MTERF4: variants seen among roughly 807,000 people sequenced by gnomAD.
MTERF4 encodes the protein transcription termination factor 4, mitochondrial.
In MTERF4, 17 loss-of-function variants were observed where a neutral mutation model predicts 22.5. The observed-to-expected ratio is 0.75, with a 90% CI of 0.52 to 1.13. The LOEUF (loss-of-function observed/expected upper bound fraction) is 1.13, where lower values mean the gene tolerates loss of function less well. Among genes scored for constraint, MTERF4 ranks in the 50% most tolerant of loss-of-function variants. The pLI is 0.00. For synonymous variants in MTERF4, 165 were observed against 175.3 expected (o/e 0.94, Z 0.47); for missense variants, 420 against 466.8 (o/e 0.90, Z 0.92).
rs2062852827 is a variant in MTERF4, at chr2:241,073,539, C to G, written n.2623G>C. On this transcript the variant is annotated non_coding_transcript_exon_variant, in exon 5 of 5. Coordinates refer to the MTERF4 transcript ENST00000464344. This position sits in a 1 kb window ranked among gnomAD's most constrained non-coding sequence, Gnocchi z 6.6. ...GGGAAGATGGGGTGAAGCTACACCACCCAAGCAGTGGGACCCCACAGACGG... is the reference window on the plus strand; with the variant it reads ...GGGAAGATGGGGTGAAGCTACACCAGCCAAGCAGTGGGACCCCACAGACGG... The G allele has an allele frequency of 1.5e-6, 1 of 652,372 alleles. No homozygotes were observed. The highest frequency in any genetic ancestry group is 2.7e-5 in the East Asian group (1 of 36,564). 40.4% of individuals were successfully genotyped at this position (652,372 alleles called of 1,614,324 possible).
chr2:241,049,423 T>A, the MTERF4 span, among the ~76,000 whole-genome samples: 1 of 152,248 alleles, frequency 6.6e-6, no homozygotes, highest in African/African-American at 2.4e-5. Flanking sequence ...ATTTAATGCA[T>A]ACATAATTAG....
At chr2:241,074,605 A>T (rs2062933313) in exon 5 of MTERF4, 1 of 152,178 alleles carries the variant, frequency 6.6e-6, no homozygotes, top group Non-Finnish European at 1.5e-5. Flanking sequence ...CCCTGAGGTC[A>T]CCACGGTCAT....
Position 241,102,283 on chromosome 2 carries a change from A to C in MTERF4, c.-10T>G, listed in dbSNP as rs756525452. 6.5e-7 allele frequency: 1 copy of C among 1,549,030 alleles called. No individual in the cohort carries two copies. Among genetic ancestry groups the C allele is most frequent in the South Asian group, 1.2e-5 (1 of 84,020 alleles). On this transcript the variant is annotated 5_prime_UTR_variant, in exon 1 of 4. Coordinates refer to ENST00000391980, the MANE Select transcript of MTERF4 (RefSeq NM_182501.4). The stretch of plus-strand genomic sequence containing the variant: ...GGCCGAACGCAGCCATAGCGCGGAG[A>C]AGATGGCAGCAGTTACGGCGCCGGA...
At chr2:241,052,241 G>T in the MTERF4 span, 1 of 1,471,774 alleles carries the variant, frequency 6.8e-7, no homozygotes, top group South Asian at 1.1e-5. Context: ...GGCAGGGCTG[G>T]TCCAGGCCCT....
At chr2:241,067,284 G>A (rs1157915156), downstream of MTERF4, among the ~76,000 whole-genome samples, 7 of 152,244 alleles carry the variant, frequency 4.6e-5, no homozygotes, top group South Asian at 2.1e-4. Context: ...CTGGCTGGGC[G>A]GGAAGCGGAG....
At chr2:241,068,538 C>T (rs1184994634), downstream of MTERF4, among the ~76,000 whole-genome samples, 1 of 152,138 alleles carries the variant, frequency 6.6e-6, no homozygotes, top group East Asian at 1.9e-4. The surrounding 1 kb of genome is among the most constrained non-coding windows in gnomAD (Gnocchi z 5.3). Context: ...GCATTGGCCT[C>T]ACGTTGTCCT....
In MTERF4 at chr2:241,073,400, A is replaced by G. The variant is rs775240473; in HGVS notation, n.2762T>C. The G allele has an allele frequency of 3.3e-6, 5 of 1,507,436 alleles. No homozygotes were observed. In the South Asian group the frequency reaches 6.0e-5, roughly 18 times the overall value. 93.4% of individuals were successfully genotyped at this position (1,507,436 alleles called of 1,614,324 possible). ...AGCGCTGGTGGGGACTTTGGGACTG[A>G]CTGACTGCTCTCAGGGGCCTTAGAG... On this transcript the variant is annotated non_coding_transcript_exon_variant, in exon 5 of 5. Coordinates refer to the MTERF4 transcript ENST00000464344. This position sits in a 1 kb window ranked among gnomAD's most constrained non-coding sequence, Gnocchi z 6.6.
At chr2:241,048,300 C>A in the MTERF4 span, 5,479 of 1,585,498 alleles carry the variant, frequency 3.5e-3, 10 homozygotes, top group Non-Finnish European at 4.3e-3. Context: ...CTGGTGACTG[C>A]CGTCTTTCTT....
chr2:241,099,186 T>C, intron 2 of MTERF4: 2 of 536,084 alleles, frequency 3.7e-6, no homozygotes, highest in East Asian at 3.3e-5. Context: ...GCGATTTTCA[T>C]GCCTCAGCCT....
chr2:241,050,907 G>A, the MTERF4 span, among the ~76,000 whole-genome samples: 1 of 152,166 alleles, frequency 6.6e-6, no homozygotes, highest in South Asian at 2.1e-4. Context: ...CAAAGGTTCT[G>A]TGCCCGCCCC....
intron 1 of MTERF4, chr2:241,101,116 C>G (rs1170780526): frequency 6.5e-6 from 3 of 458,236 alleles, no homozygotes; most frequent in Admixed American, 2.4e-5. Context: ...CACTTTATTT[C>G]TGTTATTTTC....
At chr2:241,048,596 G>A in the MTERF4 span, 2 of 1,519,316 alleles carry the variant, frequency 1.3e-6, no homozygotes, top group African/African-American at 1.4e-5. Context: ...GCAGGGCAGG[G>A]TCTGGAGCGA....
At position 241,097,277 on chromosome 2, in the gene MTERF4, C is replaced by G. The variant is rs767213193; in HGVS notation, c.671G>C (p.Arg224Pro). 6.2e-5 allele frequency: 100 copies of G among 1,613,958 alleles called. 2 individuals carry two copies. The South Asian group carries it at 7.1e-4, about 12-fold the overall frequency. The change falls in exon 3 of 4, where the codon CGA becomes CCA. Residue 224 changes from arginine to proline, a missense_variant. By Grantham distance (103) the Arg-to-Pro change is moderately radical (BLOSUM62 -2). Coordinates refer to ENST00000391980, the MANE Select transcript of MTERF4 (RefSeq NM_182501.4). The part of the protein sequence containing the change: ...KILHSCPSVL[R>P]EDLGQLEYKF... ...GTATTCCAGTTGACCCAGGTCCTCT[C>G]GAAGAACAGAGGGGCAACTGTGCAA...
At chr2:241,045,612 C>T in the MTERF4 span, among the ~76,000 whole-genome samples, 1 of 150,394 alleles carries the variant, frequency 6.6e-6, no homozygotes, top group Non-Finnish European at 1.5e-5. Context: ...AAAAAAAAAC[C>T]TCAACTTCAA....
chr2:241,094,308 C>T, downstream of MTERF4: 2 of 469,964 alleles, frequency 4.3e-6, no homozygotes, highest in South Asian at 3.1e-5. This position sits in a 1 kb window ranked among gnomAD's most constrained non-coding sequence, Gnocchi z 4.3. Flanking sequence ...GGAACTCCTT[C>T]CACTGGCAAA....
chr2:241,072,882 A>C, exon 5 of MTERF4: 1 of 272,222 alleles, frequency 3.7e-6, no homozygotes. Context: ...AGGGCAGCTC[A>C]GAAAGAGCAG....
chr2:241,063,346 C>T, the MTERF4 span: 8 of 553,522 alleles, frequency 1.4e-5, no homozygotes, highest in Admixed American at 1.2e-4. Flanking sequence ...CCTCCCATTG[C>T]GGAGTGGCCT....
downstream of MTERF4, chr2:241,067,837 C>A (rs1157144179): frequency 6.2e-7 from 1 of 1,613,512 alleles, no homozygotes; most frequent in Admixed American, 1.7e-5. Flanking sequence ...GGGCCCTGCA[C>A]AGGATCCGCC....
At chr2:241,063,251 C>A in the MTERF4 span, 1 of 483,288 alleles carries the variant, frequency 2.1e-6, no homozygotes, top group Admixed American at 3.3e-5. Flanking sequence ...CACTCTTGTA[C>A]CTCGCTAGGG....
Sources: allele counts gnomAD v4.1 joint callset (sites outside exome capture counted in the v4.1 genomes callset), GRCh38; gene constraint gnomAD v4.1.1; non-coding constraint Gnocchi (gnomAD v3.1); transcripts MANE v1.5; gene names NCBI Gene and HGNC (gene_info 2026-07-23, HGNC 2026-07-21).